Variants in FARP2 observed in about 807,000 individuals in gnomAD.
FARP2 encodes FERM, ARH/RhoGEF and pleckstrin domain protein 2, also known as FERM, ARHGEF and pleckstrin domain-containing protein 2.
FARP2 carries 111 observed loss-of-function variants against 130.5 expected under a neutral mutation model. The observed-to-expected ratio is 0.85, with a 90% CI of 0.73 to 1.00. The LOEUF (loss-of-function observed/expected upper bound fraction) is 1.00. FARP2 is among the 50% of genes least tolerant of loss of function. FARP2 has a pLI of 0.00. For missense variants in FARP2, 1,385 were observed against 1,346.3 expected (o/e 1.03, Z -0.45); for synonymous variants, 504 against 516.9 (o/e 0.98, Z 0.34).
chr2:241,376,580 G>GC (rs576813979), intron 2 of FARP2, among the ~76,000 whole-genome samples: 1 of 152,140 alleles, frequency 6.6e-6, no homozygotes, highest in Non-Finnish European at 1.5e-5. Flanking sequence ...GGCTTGTCCC[G>GC]CCCCCCTTCC....
intron 1 of FARP2, among the ~76,000 whole-genome samples, chr2:241,366,103 A>T (rs1442148774): frequency 2.6e-4 from 16 of 60,484 alleles, no homozygotes; most frequent in Non-Finnish European, 5.4e-4. Context: ...AAAAAAAAAA[A>T]AATATATATA....
At chr2:241,411,455 A>C (rs1412683120) in intron 6 of FARP2, among the ~76,000 whole-genome samples, 1 of 152,102 alleles carries the variant, frequency 6.6e-6, no homozygotes, top group Non-Finnish European at 1.5e-5. Flanking sequence ...TATAAACCAA[A>C]CTCTGAGCAA....
At chr2:241,411,887 T>C (rs1241370623) in intron 6 of FARP2, among the ~76,000 whole-genome samples, 1 of 152,250 alleles carries the variant, frequency 6.6e-6, no homozygotes, top group African/African-American at 2.4e-5. Flanking sequence ...ATGGGTTTGC[T>C]ATCCTCCACC....
chr2:241,409,459 G>A (rs1574763249), intron 5 of FARP2, among the ~76,000 whole-genome samples: 4 of 152,148 alleles, frequency 2.6e-5, no homozygotes, highest in Non-Finnish European at 5.9e-5. Context: ...TGAGGCAGGA[G>A]TATCACTTGA....
chr2:241,450,410 G>C (rs184045709), intron 13 of FARP2, among the ~76,000 whole-genome samples: 94 of 152,204 alleles, frequency 6.2e-4, no homozygotes, highest in African/African-American at 2.2e-3. Flanking sequence ...GCTCACGCCT[G>C]TAGTCCCAGC....
intron 13 of FARP2, among the ~76,000 whole-genome samples, chr2:241,450,442 C>T (rs1398841128): frequency 6.6e-6 from 1 of 151,868 alleles, no homozygotes; most frequent in Admixed American, 6.6e-5. Context: ...CTGAGGTGGG[C>T]GGATCACGAG....
intron 19 of FARP2, chr2:241,478,276 G>GACA: frequency 5.5e-6 from 1 of 180,390 alleles, no homozygotes; most frequent in Non-Finnish European, 1.2e-5. Flanking sequence ...CTTTAGCCTG[G>GACA]ACAACAGAGT....
At chr2:241,368,237 G>A (rs2061355643) in intron 1 of FARP2, among the ~76,000 whole-genome samples, 1 of 152,236 alleles carries the variant, frequency 6.6e-6, no homozygotes, top group South Asian at 2.1e-4. Context: ...TAGGAATGAA[G>A]ACTGCAAAGC....
chr2:241,429,343 C>T (rs778930424), intron 8 of FARP2, among the ~76,000 whole-genome samples: 1 of 152,278 alleles, frequency 6.6e-6, no homozygotes, highest in South Asian at 2.1e-4. Context: ...GAACATTCTT[C>T]CTCCTTTCCT....
intron 7 of FARP2, among the ~76,000 whole-genome samples, chr2:241,417,410 G>T (rs1291549813): frequency 6.6e-6 from 1 of 152,028 alleles, no homozygotes; most frequent in Non-Finnish European, 1.5e-5. Flanking sequence ...GTTAGAGATG[G>T]AGTCTCGCTC....
At chr2:241,479,203 T>A (rs740314) in intron 19 of FARP2, among the ~76,000 whole-genome samples, 1 of 152,058 alleles carries the variant, frequency 6.6e-6, no homozygotes, top group Non-Finnish European at 1.5e-5. Context: ...AGGAGCATTC[T>A]GGCCAGGTGG....
intron 20 of FARP2, 135 bp from the exon 21 acceptor site, chr2:241,484,107 C>A: frequency 2.1e-6 from 3 of 1,455,358 alleles, no homozygotes; most frequent in Non-Finnish European, 2.7e-6. Flanking sequence ...GAATAAAAGT[C>A]CCCTTTCTGC....
chr2:241,444,187 T>C (rs1477910307), intron 13 of FARP2: 1 of 152,284 alleles, frequency 6.6e-6, no homozygotes, highest in Non-Finnish European at 1.5e-5. Flanking sequence ...TAGGGGCCAT[T>C]GGGCACAGCT....
At chr2:241,382,166 A>T (rs2061674628) in intron 2 of FARP2, among the ~76,000 whole-genome samples, 1 of 152,180 alleles carries the variant, frequency 6.6e-6, no homozygotes, top group African/African-American at 2.4e-5. Flanking sequence ...ATTGGGACTG[A>T]ACTATGTGCA....
intron 19 of FARP2, among the ~76,000 whole-genome samples, chr2:241,479,305 G>GGTA (rs368815331): frequency 1.4e-4 from 22 of 152,208 alleles, no homozygotes; most frequent in African/African-American, 5.3e-4. Context: ...CAGAGTTCTT[G>GGTA]GTACTACACA....
intron 13 of FARP2, chr2:241,445,118 G>A (rs996810231): frequency 2.6e-5 from 4 of 151,936 alleles, no homozygotes; most frequent in African/African-American, 9.7e-5. Context: ...TTTTTGTGGA[G>A]ACAGGTTCTC....
Position 241,474,801 on chromosome 2 carries a change from T to TAAATAAATAAATAAATA in FARP2, c.2132-1054_2132-1053insATAAATAAATAAATAAA, listed in dbSNP as rs374193358. Among the ~76,000 whole-genome samples, 5 of 140,326 alleles carry TAAATAAATAAATAAATA rather than the reference T, an allele frequency of 3.6e-5. No homozygotes were observed. In the Admixed American group the frequency reaches 3.6e-4, roughly 10 times the overall value. 92.1% of individuals were successfully genotyped at this position (140,326 alleles called of 152,430 possible). Reference sequence around the variant, plus strand: ...AGTGAGACCCTGTCTCTAATAATAATAATAAATAAATAAATAAATAAATAA... The same window carrying TAAATAAATAAATAAATA: ...AGTGAGACCCTGTCTCTAATAATAATAAATAAATAAATAAATAAATAAATAAATAAATAAATAAATAA... On this transcript the variant is annotated intron_variant, in intron 18 of 26. Transcript: ENST00000264042.
chr2:241,375,745 C>T (rs534097807), intron 2 of FARP2, among the ~76,000 whole-genome samples: 2 of 151,946 alleles, frequency 1.3e-5, no homozygotes, highest in South Asian at 4.2e-4. Context: ...TTCTGAATAT[C>T]CTGGGTTGGA....
rs964807714 is a variant in FARP2 at position 241,462,468 on chromosome 2, G to A, written c.1588-55G>A. On this transcript the variant is annotated intron_variant, in intron 14 of 26. Transcript: ENST00000264042. The stretch of plus-strand genomic sequence containing the variant: ...ATTACCAACTTCAGGCTCCCTGAGC[G>A]TGGGAGGGTCCCATGTCCCAGGGAC... 2.6e-5 allele frequency: 33 copies of A among 1,272,658 alleles called. 1 individual carries two copies. The highest frequency in any genetic ancestry group is 3.7e-4 in the Middle Eastern group (2 of 5,436). 78.8% of individuals were successfully genotyped at this position (1,272,658 alleles called of 1,614,324 possible).
Sources: gnomAD v4.1 joint callset for allele counts (sites outside exome capture counted in the v4.1 genomes callset) on GRCh38, gnomAD v4.1.1 for gene constraint, MANE v1.5 for transcripts, NCBI Gene and HGNC (gene_info 2026-07-23, HGNC 2026-07-21) for gene names.